RTN4: variants seen among roughly 807,000 people sequenced by gnomAD.
RTN4 encodes reticulon 4.
A neutral mutation model predicts 90.4 loss-of-function variants in RTN4; 32 were observed. The observed-to-expected ratio is 0.35, with a 90% CI of 0.27 to 0.48. RTN4 has a LOEUF of 0.48. RTN4 is among the 20% of genes least tolerant of loss of function. The pLI is 0.99. For missense variants in RTN4, 1,706 were observed against 1,430.2 expected (o/e 1.19, Z -3.11); for synonymous variants, 629 against 552.5 (o/e 1.14, Z -1.94).
At position 55,011,057 on chromosome 2, in the gene RTN4, G is replaced by C. The variant is rs548470975; in HGVS notation, c.3013+14029C>G. Among the ~76,000 whole-genome samples, 34 of 152,122 alleles carry C rather than the reference G, an allele frequency of 2.2e-4. No homozygotes were observed. The South Asian group carries it at 3.3e-3, about 15-fold the overall frequency. ...TTATTTTTTATTTTTTTCTGACACA[G>C]GGTCTCGCTCTGTCACCAAGGCTGG... is the stretch of plus-strand genomic sequence containing the variant. On this transcript the variant is annotated intron_variant, in intron 3 of 8. Coordinates refer to ENST00000337526, the MANE Select transcript of RTN4 (RefSeq NM_020532.5).
At chr2:55,102,116 A>G (rs1207411766) in intron 1 of RTN4, among the ~76,000 whole-genome samples, 3 of 152,152 alleles carry the variant, frequency 2.0e-5, no homozygotes, top group Non-Finnish European at 4.4e-5. Context: ...TTCCTTAAAG[A>G]TGAGATATTG....
chr2:54,997,708 T>C (rs1171084588), intron 3 of RTN4, among the ~76,000 whole-genome samples: 2 of 152,330 alleles, frequency 1.3e-5, no homozygotes, highest in East Asian at 3.9e-4. Context: ...CTCCCTTACC[T>C]GCATTTTCCC....
chr2:55,022,896 A>AACACACACACACACACACAC (rs150779063), intron 3 of RTN4, among the ~76,000 whole-genome samples: 3,902 of 137,248 alleles, frequency 0.028, 121 homozygotes, highest in Admixed American at 0.087. Flanking sequence ...TTCAACATCC[A>AACACACACACACACACACAC]ACACACACAC....
At chr2:55,068,679 G>GT (rs990977331) in intron 2 of RTN4, among the ~76,000 whole-genome samples, 1 of 86,116 alleles carries the variant, frequency 1.2e-5, no homozygotes, top group Non-Finnish European at 2.2e-5. Flanking sequence ...CAAAAAAAAA[G>GT]GGGGGGGGGT....
chr2:54,986,184 G>A (rs80259661), intron 4 of RTN4, among the ~76,000 whole-genome samples: 10,778 of 152,124 alleles, frequency 0.071, 1,207 homozygotes, highest in African/African-American at 0.24. Flanking sequence ...ATAGAGGGCC[G>A]GTGCATTTTC....
chr2:55,016,623 G>C (rs894076122), intron 3 of RTN4, among the ~76,000 whole-genome samples: 5 of 152,058 alleles, frequency 3.3e-5, no homozygotes, highest in African/African-American at 1.2e-4. Context: ...ATTGAAAGTA[G>C]ACTAGAATAA....
At chr2:55,087,843 A>G (rs1668872221) in intron 1 of RTN4, among the ~76,000 whole-genome samples, 1 of 152,126 alleles carries the variant, frequency 6.6e-6, no homozygotes, top group African/African-American at 2.4e-5. Context: ...AGTGATTTGT[A>G]TGGTTGGATG....
intron 8 of RTN4, 42 bp downstream of exon 8, chr2:54,973,521 C>A: frequency 4.2e-6 from 6 of 1,431,052 alleles, no homozygotes; most frequent in Non-Finnish European, 5.9e-6. Context: ...CAATCCAGCA[C>A]ACCTTATCCT....
chr2:55,135,610 A>G, the RTN4 span, among the ~76,000 whole-genome samples: 4 of 152,190 alleles, frequency 2.6e-5, no homozygotes, highest in Non-Finnish European at 5.9e-5. Context: ...TTGGCACACA[A>G]TAAACTGCAC....
At chr2:54,980,744 C>T (rs1248382506) in intron 5 of RTN4, among the ~76,000 whole-genome samples, 1 of 152,214 alleles carries the variant, frequency 6.6e-6, no homozygotes, top group African/African-American at 2.4e-5. Flanking sequence ...GTTTGAAGCT[C>T]TGAATTACTA....
the RTN4 span, among the ~76,000 whole-genome samples, chr2:55,124,836 A>G: frequency 6.6e-6 from 1 of 152,258 alleles, no homozygotes; most frequent in Non-Finnish European, 1.5e-5. Context: ...ACAGTAACCA[A>G]AACAGCATGG....
chr2:55,050,157 G>T lies in RTN4; in HGVS notation c.144C>A (p.Asp48Glu), dbSNP rs767141675. 8 of 1,561,834 alleles carry T rather than the reference G, an allele frequency of 5.1e-6. No individual in the cohort carries two copies. The South Asian group carries it at 9.3e-5, about 18-fold the overall frequency. Residue 48 changes from aspartate (D) to glutamate (E), a missense_variant, in exon 1 of 9, where the codon GAC (aspartate) becomes GAA (glutamate). Physicochemically the swap from Asp to Glu is conservative, Grantham distance 45. Transcript: ENST00000337526. The surrounding 1 kb of genome is among the most constrained non-coding windows in gnomAD (Gnocchi z 4.6). ...EEEEEEDEDE[D>E]LEELEVLERK... ...TCTCCAGCACCTCCAGCTCCTCCAG[G>T]TCTTCGTCCTCGTCCTCCTCTTCCT...
At chr2:55,019,733 G>C (rs1305765435) in intron 3 of RTN4, among the ~76,000 whole-genome samples, 1 of 152,104 alleles carries the variant, frequency 6.6e-6, no homozygotes, top group Non-Finnish European at 1.5e-5. Flanking sequence ...GAGCAATTGA[G>C]CAAGAGAGAA....
At chr2:55,059,556 G>A (rs1668252984) in intron 2 of RTN4, among the ~76,000 whole-genome samples, 1 of 151,904 alleles carries the variant, frequency 6.6e-6, no homozygotes, top group Non-Finnish European at 1.5e-5. Context: ...GTTTCAGGCC[G>A]GGCACAGTGG....
At chr2:55,113,260 CT>C (rs1668069678), upstream of RTN4, among the ~76,000 whole-genome samples, 1 of 152,220 alleles carries the variant, frequency 6.6e-6, no homozygotes, top group Non-Finnish European at 1.5e-5. Context: ...GGTGTATTCT[CT>C]TCTTTATGTG....
chr2:55,046,836 A>G (rs200938536), intron 1 of RTN4: 40 of 152,234 alleles, frequency 2.6e-4, no homozygotes, highest in Non-Finnish European at 4.4e-5. Flanking sequence ...AAAGTTTCCC[A>G]ATAGGTATCA....
At chr2:55,115,351 A>G (rs1668104655), upstream of RTN4, among the ~76,000 whole-genome samples, 1 of 152,194 alleles carries the variant, frequency 6.6e-6, no homozygotes, top group African/African-American at 2.4e-5. Context: ...AAAGCCAGCA[A>G]TAGCTGGTTG....
In RTN4 at chr2:55,005,037, G is replaced by C. The variant is rs143353064; in HGVS notation, c.3014-17339C>G. Among the ~76,000 whole-genome samples the C allele has an allele frequency of 7.8e-4, 119 of 152,238 alleles. 1 individual carries two copies. The highest frequency in any genetic ancestry group is 2.8e-3 in the African/African-American group (116 of 41,550). ...AGAGAAAAACACAAGCAAAGGCAAA[G>C]AACAGGTATGTTTAGAAAACGAGTC... is the stretch of plus-strand genomic sequence containing the variant. On this transcript the variant is annotated intron_variant, in intron 3 of 8. Coordinates refer to ENST00000337526, the MANE Select transcript of RTN4 (RefSeq NM_020532.5).
At chr2:55,060,321 G>A (rs1668267429) in intron 2 of RTN4, among the ~76,000 whole-genome samples, 1 of 152,036 alleles carries the variant, frequency 6.6e-6, no homozygotes, top group Non-Finnish European at 1.5e-5. Context: ...TCTTTTATTT[G>A]TTTCTTTGCA....
Sources: gnomAD v4.1 joint callset for allele counts (sites outside exome capture counted in the v4.1 genomes callset) on GRCh38, gnomAD v4.1.1 for gene constraint, Gnocchi (gnomAD v3.1) non-coding constraint, MANE v1.5 for transcripts, NCBI Gene and HGNC (gene_info 2026-07-23, HGNC 2026-07-21) for gene names.